Variants in SORCS2 observed in about 807,000 individuals in gnomAD.
SORCS2 encodes the protein VPS10 domain-containing receptor SorCS2.
A neutral mutation model predicts 141.6 loss-of-function variants in SORCS2; 100 were observed. The observed-to-expected ratio is 0.71, with a 90% CI of 0.60 to 0.83. The LOEUF (loss-of-function observed/expected upper bound fraction) is 0.83, where lower values mean the gene tolerates loss of function less well. Among genes scored for constraint, SORCS2 ranks in the 40% least tolerant of loss-of-function variants. The pLI, the probability that SORCS2 is intolerant of heterozygous loss-of-function variation, is 0.00. For missense variants in SORCS2, 1,646 were observed against 1,560.2 expected (o/e 1.05, Z -0.93); for synonymous variants, 789 against 676.9 (o/e 1.17, Z -2.57).
At chr4:7,280,423 G>A (rs1319289078) in intron 1 of SORCS2, among the ~76,000 whole-genome samples, 6 of 152,224 alleles carry the variant, frequency 3.9e-5, no homozygotes, top group Non-Finnish European at 8.8e-5. Flanking sequence ...CAGAATTTGT[G>A]TGAAAGAGTG....
At chr4:7,383,389 TC>T (rs1454195411) in intron 1 of SORCS2, among the ~76,000 whole-genome samples, 1 of 152,066 alleles carries the variant, frequency 6.6e-6, no homozygotes, top group Admixed American at 6.6e-5. Context: ...CCGCCCCTCC[TC>T]CCCCTGCAAG....
intron 1 of SORCS2, among the ~76,000 whole-genome samples, chr4:7,383,108 G>A (rs759401876): frequency 2.6e-5 from 4 of 152,066 alleles, no homozygotes; most frequent in Non-Finnish European, 5.9e-5. Flanking sequence ...GCTGAGGGGC[G>A]GATTTCAAAA....
At chr4:7,453,186 G>C (rs1383133030) in intron 2 of SORCS2, among the ~76,000 whole-genome samples, 6 of 143,440 alleles carry the variant, frequency 4.2e-5, no homozygotes. Context: ...CTCTGTGTTG[G>C]GGTCAGGCTC....
At chr4:7,382,067 C>T (rs1191908226) in intron 1 of SORCS2, 2 of 800,264 alleles carry the variant, frequency 2.5e-6, no homozygotes, top group Non-Finnish European at 3.0e-6. Context: ...AAGGCCCAGG[C>T]ATGAGGGGCT....
chr4:7,365,077 C>G (rs1313981091), intron 1 of SORCS2, among the ~76,000 whole-genome samples: 1 of 152,200 alleles, frequency 6.6e-6, no homozygotes, highest in Non-Finnish European at 1.5e-5. Flanking sequence ...TGTGGCCAGC[C>G]CATCACAAGG....
intron 20 of SORCS2, 145 bp from the exon 21 acceptor site, chr4:7,726,635 A>G: frequency 9.6e-7 from 1 of 1,038,666 alleles, no homozygotes; most frequent in South Asian, 1.8e-5. Flanking sequence ...GGGTGCTGCC[A>G]CCACAGGATG....
intron 1 of SORCS2, among the ~76,000 whole-genome samples, chr4:7,372,721 C>T (rs1013099369): frequency 6.6e-6 from 1 of 152,168 alleles, no homozygotes; most frequent in African/African-American, 2.4e-5. Context: ...CAGAAGTTCC[C>T]CTGTGCCCTT....
At chr4:7,351,910 A>G (rs968260499) in intron 1 of SORCS2, among the ~76,000 whole-genome samples, 3 of 151,982 alleles carry the variant, frequency 2.0e-5, no homozygotes, top group Non-Finnish European at 4.4e-5. Context: ...TCTACTGTCC[A>G]TCTACCTACT....
At chr4:7,525,077 G>T (rs531740598) in intron 2 of SORCS2, among the ~76,000 whole-genome samples, 1 of 152,248 alleles carries the variant, frequency 6.6e-6, no homozygotes, top group Non-Finnish European at 1.5e-5. Context: ...CTCCAGCTTT[G>T]TTCCTTGCAA....
At chr4:7,564,022 T>C (rs2109683745) in intron 3 of SORCS2, among the ~76,000 whole-genome samples, 1 of 152,370 alleles carries the variant, frequency 6.6e-6, no homozygotes, top group East Asian at 1.9e-4. Flanking sequence ...TTGGGTATTT[T>C]TGCATTCCCG....
chr4:7,286,931 G>A lies in SORCS2; in HGVS notation c.480+93805G>A, dbSNP rs1443901546. Among the ~76,000 whole-genome samples the A allele has an allele frequency of 1.3e-5, 2 of 152,208 alleles. No homozygotes were observed. Among genetic ancestry groups the A allele is most frequent in the East Asian group, 1.9e-4 (1 of 5,192 alleles). On this transcript the variant is annotated intron_variant, in intron 1 of 26. Coordinates refer to ENST00000507866, the MANE Select transcript of SORCS2 (RefSeq NM_020777.3). The surrounding 1 kb of genome is among the most constrained non-coding windows in gnomAD (Gnocchi z 4.1). ...GAGTGAGGAGACACAAGTCAGCAGA[G>A]GCAGAGAGAGGGACCAGGGCCACTG...
At chr4:7,639,674 T>G (rs1176035169) in intron 4 of SORCS2, among the ~76,000 whole-genome samples, 2 of 150,692 alleles carry the variant, frequency 1.3e-5, no homozygotes, top group Non-Finnish European at 3.0e-5. Flanking sequence ...CAAATGTGTG[T>G]GAGTGTGAGG....
Position 7,375,151 on chromosome 4 carries a change from T to G in SORCS2, c.481-21137T>G, listed in dbSNP as rs974569817. ...TCTGGGACTCTCCCCTGCATCACCC[T>G]CTCTGGGTCATCCCCATGAAGTGGA... On this transcript the variant is annotated intron_variant, in intron 1 of 26. Coordinates refer to ENST00000507866, the MANE Select transcript of SORCS2 (RefSeq NM_020777.3). Among the ~76,000 whole-genome samples, 8 of 152,124 alleles carry G rather than the reference T, an allele frequency of 5.3e-5. No homozygotes were observed. The East Asian group carries it at 5.8e-4, about 11-fold the overall frequency.
At chr4:7,506,479 C>T (rs892301999) in intron 2 of SORCS2, among the ~76,000 whole-genome samples, 1 of 152,086 alleles carries the variant, frequency 6.6e-6, no homozygotes, top group Non-Finnish European at 1.5e-5. Flanking sequence ...TCCACCCATC[C>T]ACCCACCCAC....
intron 16 of SORCS2, 147 bp from the exon 17 acceptor site, chr4:7,715,036 G>A (rs937529325): frequency 2.7e-5 from 30 of 1,095,768 alleles, no homozygotes; most frequent in Non-Finnish European, 1.3e-6. Context: ...GGGGCTGTGG[G>A]TGTTCCTTGA....
intron 21 of SORCS2, 68 bp from the exon 22 acceptor site, chr4:7,728,282 C>G (rs1727361068): frequency 2.5e-6 from 3 of 1,215,944 alleles, no homozygotes; most frequent in Non-Finnish European, 3.6e-6. Flanking sequence ...GCCCCCGACC[C>G]CCACCCTGGA....
Position 7,729,677 on chromosome 4 carries a change from A to C in SORCS2, c.3073A>C (p.Arg1025=). ...TCTGTACGTGCTCCTGCCCCCTCCCAGGCCCACAAGGAAGAGGAGCCTCTC... is the reference window on the plus strand; with the variant it reads ...TCTGTACGTGCTCCTGCCCCCTCCCCGGCCCACAAGGAAGAGGAGCCTCTC... The part of the protein sequence containing the change: ...ADLYVLLPPP[R]PTRKRSLSSD... Residue 1025 remains arginine (R), a synonymous_variant, in exon 23 of 27, where the codon AGG becomes CGG. Transcript: ENST00000507866. 6.2e-7 allele frequency: 1 copy of C among 1,609,714 alleles called. No individual in the cohort carries two copies. Among genetic ancestry groups the C allele is most frequent in the Non-Finnish European group, 8.5e-7 (1 of 1,178,278 alleles).
intron 1 of SORCS2, among the ~76,000 whole-genome samples, chr4:7,393,830 T>C (rs949051851): frequency 3.3e-4 from 50 of 152,202 alleles, no homozygotes; most frequent in African/African-American, 1.1e-3. Context: ...GGCATCATCA[T>C]GGACTGGAAA....
At chr4:7,506,084 G>A (rs1732262529) in intron 2 of SORCS2, among the ~76,000 whole-genome samples, 1 of 152,164 alleles carries the variant, frequency 6.6e-6, no homozygotes, top group African/African-American at 2.4e-5. Flanking sequence ...TGGGGAGGCT[G>A]TGGAAGCCAG....
Sources: gnomAD v4.1 joint callset for allele counts (sites outside exome capture counted in the v4.1 genomes callset) on GRCh38, gnomAD v4.1.1 for gene constraint, Gnocchi (gnomAD v3.1) non-coding constraint, MANE v1.5 for transcripts, NCBI Gene and HGNC (gene_info 2026-07-23, HGNC 2026-07-21) for gene names.